The following FHIT variants were observed in gnomAD, a reference collection of about 807,000 sequenced individuals.
The protein encoded by FHIT is bis(5'-adenosyl)-triphosphatase.
FHIT carries 19 observed loss-of-function variants against 17.9 expected under a neutral mutation model. The observed-to-expected ratio is 1.06, with a 90% CI of 0.74 to 1.56. FHIT has a LOEUF of 1.56. Among genes scored for constraint, FHIT ranks in the 40% most tolerant of loss-of-function variants. The pLI, the probability that FHIT is intolerant of heterozygous loss-of-function variation, is 0.00. For missense variants in FHIT, 248 were observed against 189.2 expected, an observed-to-expected ratio of 1.31 and a Z score of -1.82; for synonymous variants, 81 against 69.7, an observed-to-expected ratio of 1.16 and a Z score of -0.81.
intron 5 of FHIT, among the ~76,000 whole-genome samples, chr3:60,320,797 T>G (rs1709391391): frequency 6.6e-6 from 1 of 152,196 alleles, no homozygotes; most frequent in South Asian, 2.1e-4. Flanking sequence ...AAATTTGAAA[T>G]GGAGGAACAT....
chr3:59,911,661 A>T (rs1022471381), intron 8 of FHIT, among the ~76,000 whole-genome samples: 1 of 152,198 alleles, frequency 6.6e-6, no homozygotes, highest in Non-Finnish European at 1.5e-5. Context: ...ATACCTTGGC[A>T]TCTCAGGAAG....
At chr3:60,513,736 G>A (rs2035034260) in intron 5 of FHIT, among the ~76,000 whole-genome samples, 1 of 147,934 alleles carries the variant, frequency 6.8e-6, no homozygotes, top group Non-Finnish European at 1.5e-5. Context: ...GGTCCCTGGT[G>A]AGGGTTCTAC....
At chr3:59,868,491 A>C (rs1394098703) in intron 8 of FHIT, among the ~76,000 whole-genome samples, 1 of 152,224 alleles carries the variant, frequency 6.6e-6, no homozygotes, top group Non-Finnish European at 1.5e-5. Context: ...GAGGTCTTGA[A>C]TCACACCATC....
intron 8 of FHIT, among the ~76,000 whole-genome samples, chr3:59,832,628 A>T (rs1021227): frequency 0.089 from 13,491 of 152,256 alleles, 1,931 homozygotes; most frequent in African/African-American, 0.3. Context: ...GGAATAAGAG[A>T]TGCACAGAAT....
intron 5 of FHIT, among the ~76,000 whole-genome samples, chr3:60,461,665 G>T (rs1159929696): frequency 1.3e-5 from 2 of 152,022 alleles, no homozygotes; most frequent in Non-Finnish European, 2.9e-5. Flanking sequence ...TTTTTCTTCT[G>T]CAAGTTACTT....
intron 5 of FHIT, among the ~76,000 whole-genome samples, chr3:60,038,248 A>G (rs1701302648): frequency 6.6e-6 from 1 of 152,152 alleles, no homozygotes; most frequent in Admixed American, 6.5e-5. Flanking sequence ...ATAGTTATTG[A>G]TCTGAATCAA....
intron 2 of FHIT, among the ~76,000 whole-genome samples, chr3:61,103,631 T>C (rs2035902246): frequency 1.3e-5 from 2 of 152,186 alleles, no homozygotes; most frequent in South Asian, 4.1e-4. Context: ...ATCTCATTGA[T>C]CTGTCTAATA....
chr3:60,891,471 T>A (rs1553760684), intron 3 of FHIT, among the ~76,000 whole-genome samples: 2 of 152,174 alleles, frequency 1.3e-5, no homozygotes, highest in Non-Finnish European at 2.9e-5. Flanking sequence ...GTTGCTAAAC[T>A]GGTAGAATGG....
At chr3:60,856,992 T>C (rs1703413382) in intron 3 of FHIT, among the ~76,000 whole-genome samples, 1 of 152,156 alleles carries the variant, frequency 6.6e-6, no homozygotes, top group African/African-American at 2.4e-5. Flanking sequence ...ATACTTGCCA[T>C]AGCACTCAGC....
At chr3:60,152,094 C>G (rs1022267520) in intron 5 of FHIT, among the ~76,000 whole-genome samples, 2 of 152,104 alleles carry the variant, frequency 1.3e-5, no homozygotes, top group Admixed American at 6.5e-5. Context: ...GCAACACAGA[C>G]CAACGTTCAG....
intron 2 of FHIT, among the ~76,000 whole-genome samples, chr3:61,070,607 G>A (rs1201411067): frequency 6.6e-6 from 1 of 152,188 alleles, no homozygotes; most frequent in Non-Finnish European, 1.5e-5. Flanking sequence ...GTACACATAA[G>A]CTTCCTGCCT....
intron 4 of FHIT, among the ~76,000 whole-genome samples, chr3:60,759,901 C>G (rs1228687320): frequency 6.6e-6 from 1 of 152,028 alleles, no homozygotes; most frequent in African/African-American, 2.4e-5. Context: ...ATTATGCAGG[C>G]TTCTTTCTTT....
chr3:60,802,662 G>A (rs1246244754), intron 4 of FHIT, among the ~76,000 whole-genome samples: 1 of 151,886 alleles, frequency 6.6e-6, no homozygotes, highest in East Asian at 1.9e-4. Context: ...TTCCTGCCCT[G>A]TCAGGAAAGC....
intron 3 of FHIT, among the ~76,000 whole-genome samples, chr3:60,847,061 T>G (rs1575593207): frequency 6.6e-6 from 1 of 152,270 alleles, no homozygotes; most frequent in Middle Eastern, 3.4e-3. Flanking sequence ...TGACCTCAGG[T>G]GATCCACCCA....
chr3:60,280,810 A>G (rs1047495520), intron 5 of FHIT, among the ~76,000 whole-genome samples: 6 of 152,320 alleles, frequency 3.9e-5, no homozygotes, highest in Admixed American at 3.9e-4. Context: ...ATTCAACAGC[A>G]TAATGGAAGA....
At chr3:60,201,444 T>C (rs1702901746) in intron 5 of FHIT, among the ~76,000 whole-genome samples, 1 of 152,100 alleles carries the variant, frequency 6.6e-6, no homozygotes, top group Non-Finnish European at 1.5e-5. Context: ...GCCTCCCAAG[T>C]AGAATATCTT....
At chr3:60,319,487 C>T (rs963810766) in intron 5 of FHIT, among the ~76,000 whole-genome samples, 1 of 151,102 alleles carries the variant, frequency 6.6e-6, no homozygotes, top group South Asian at 2.1e-4. Context: ...GATGATGGAA[C>T]GGTATATAGA....
At chr3:60,858,348 G>C (rs1287902265) in intron 3 of FHIT, among the ~76,000 whole-genome samples, 5 of 152,160 alleles carry the variant, frequency 3.3e-5, no homozygotes, top group African/African-American at 1.2e-4. Context: ...AACTCACTGA[G>C]AATTGTGTGC....
intron 5 of FHIT, among the ~76,000 whole-genome samples, chr3:60,089,998 T>G (rs1703663104): frequency 6.6e-6 from 1 of 152,186 alleles, no homozygotes; most frequent in African/African-American, 2.4e-5. Context: ...TAGTGCTTAC[T>G]GTGTTCCAGG....
Sources: gnomAD v4.1 joint callset for allele counts (sites outside exome capture counted in the v4.1 genomes callset) on GRCh38, gnomAD v4.1.1 for gene constraint, MANE v1.5 for transcripts, NCBI Gene and HGNC (gene_info 2026-07-23, HGNC 2026-07-21) for gene names.